The following SEMA4B variants were observed in gnomAD, a reference collection of about 807,000 sequenced individuals.
SEMA4B encodes semaphorin 4B.
A neutral mutation model predicts 88.1 loss-of-function variants in SEMA4B; 55 were observed. That is an observed-to-expected ratio of 0.62 (90% confidence interval 0.50 to 0.78). The LOEUF (loss-of-function observed/expected upper bound fraction) is 0.78, where lower values mean the gene tolerates loss of function less well. Among genes scored for constraint, SEMA4B ranks in the 30% least tolerant of loss-of-function variants. The pLI, the probability that SEMA4B is intolerant of heterozygous loss-of-function variation, is 0.00. For missense variants in SEMA4B, 1,062 were observed against 1,111.9 expected (o/e 0.96, Z 0.64); for synonymous variants, 525 against 473.6 (o/e 1.11, Z -1.41).
upstream of SEMA4B, among the ~76,000 whole-genome samples, chr15:90,198,159 C>G (rs570593852): frequency 6.6e-6 from 1 of 151,864 alleles, no homozygotes; most frequent in Non-Finnish European, 1.5e-5. Context: ...CCTCGTGATC[C>G]GCCTGCCTCG....
In SEMA4B at chr15:90,227,926, C is replaced by T. The variant is rs1301909317; in HGVS notation, c.1797C>T (p.Val599=). The change falls in exon 14 of 14, where the codon GTC becomes GTT. Residue 599 remains valine (V), a synonymous_variant. Transcript: ENST00000411539. ...CAGGGGAGAAGCCATGTGAGCAAGT[C>T]CAGTTCCAGCCCAACACAGTGAACA... ...VPTGEKPCEQ[V]QFQPNTVNTL... 1.2e-6 allele frequency: 2 copies of T among 1,612,820 alleles called. No homozygotes were observed. The highest frequency in any genetic ancestry group is 1.7e-6 in the Non-Finnish European group (2 of 1,179,868).
At chr15:90,184,992 G>A (rs1345378585) in exon 1 of SEMA4B, 6 of 985,708 alleles carry the variant, frequency 6.1e-6, no homozygotes, top group Non-Finnish European at 7.2e-6. Flanking sequence ...GCGCCGGGCC[G>A]GCCTGGCAAG....
chr15:90,210,045 C>G (rs1193112151), intron 1 of SEMA4B, among the ~76,000 whole-genome samples: 1 of 152,162 alleles, frequency 6.6e-6, no homozygotes. Flanking sequence ...GTGATGGTGG[C>G]CTAGGTGAGA....
At chr15:90,184,946 A>G, upstream of SEMA4B, 1 of 985,950 alleles carries the variant, frequency 1.0e-6, no homozygotes, top group South Asian at 4.7e-5. Flanking sequence ...CGCCGGACTG[A>G]GGCTGTGCGC....
At position 90,201,415 on chromosome 15, in the gene SEMA4B, GC is replaced by G. The variant is rs1960714668; in HGVS notation, c.-162del. On this transcript the variant is annotated 5_prime_UTR_variant, in exon 1 of 14. Transcript: ENST00000411539. ...GGTGCCCCGCGGAGGGGCTGAGTTTGCCAGGGCCCACTTGACCCTGTTTCCC... is the reference window on the plus strand; with the variant it reads ...GGTGCCCCGCGGAGGGGCTGAGTTTGCAGGGCCCACTTGACCCTGTTTCCC... 7.8e-7 allele frequency: 1 copy of G among 1,286,054 alleles called. No individual in the cohort carries two copies. The highest frequency in any genetic ancestry group is 1.6e-5 in the African/African-American group (1 of 64,068). 79.7% of individuals were successfully genotyped at this position (1,286,054 alleles called of 1,614,324 possible). A position where few individuals can be genotyped will look rare whatever the true frequency, so the allele number is the denominator to read the frequency against.
At chr15:90,188,293 C>T (rs1362841037) in intron 1 of SEMA4B, among the ~76,000 whole-genome samples, 2 of 151,978 alleles carry the variant, frequency 1.3e-5, no homozygotes, top group Non-Finnish European at 2.9e-5. Flanking sequence ...CACTGCATTC[C>T]AGCTTGGGTG....
rs1567060430 is a variant in SEMA4B, at chr15:90,223,738, G to A, written c.1041G>A (p.Gln347=). The stretch of plus-strand genomic sequence containing the variant: ...TTTTCTATGGGGTCTTCACTTCCCA[G>A]TGGTAGGGCCTCCAGACCTCGCTGG... ...DTLFYGVFTS[Q]WHRGTTEGSA... is the part of the protein sequence containing the mutation. Residue 347 remains glutamine (Q), a splice_region_variant and synonymous_variant, in exon 8 of 14, where the codon CAG becomes CAA. Coordinates refer to ENST00000411539, the MANE Select transcript of SEMA4B (RefSeq NM_198925.4). 2 of 1,605,552 alleles carry A rather than the reference G, an allele frequency of 1.2e-6. No homozygotes were observed. The highest frequency in any genetic ancestry group is 8.5e-7 in the Non-Finnish European group (1 of 1,173,474).
intron 1 of SEMA4B, among the ~76,000 whole-genome samples, chr15:90,211,290 G>T (rs151160608): frequency 2.6e-5 from 4 of 152,318 alleles, no homozygotes; most frequent in African/African-American, 7.2e-5. Context: ...TCTGGCAGAG[G>T]CTCTTCGTCT....
chr15:90,188,676 CT>C (rs1006476439), intron 1 of SEMA4B, among the ~76,000 whole-genome samples: 1 of 151,612 alleles, frequency 6.6e-6, no homozygotes, highest in African/African-American at 2.4e-5. Context: ...TACGTATTGT[CT>C]TTTTTTGTTT....
At chr15:90,201,218 G>GCGCCCCGAGCTGC (rs1385444581), upstream of SEMA4B, 9 of 727,012 alleles carry the variant, frequency 1.2e-5, no homozygotes, top group African/African-American at 1.1e-4. Flanking sequence ...CCCTGCGGCA[G>GCGCCCCGAGCTGC]CGCCCCGAGC....
intron 5 of SEMA4B, 86 bp downstream of exon 5, chr15:90,221,179 C>T: frequency 1.7e-6 from 2 of 1,153,086 alleles, no homozygotes; most frequent in Non-Finnish European, 2.6e-6. Flanking sequence ...AGGCTGAGTC[C>T]ATGCCATGCT....
At chr15:90,208,593 G>A (rs1344661661) in intron 1 of SEMA4B, among the ~76,000 whole-genome samples, 1 of 152,292 alleles carries the variant, frequency 6.6e-6, no homozygotes, top group South Asian at 2.1e-4. Context: ...TCTCAGGACT[G>A]AGAATTTGTT....
In SEMA4B at chr15:90,220,888, G is replaced by C. The variant is rs958947806; in HGVS notation, c.484-94G>C. The C allele has an allele frequency of 1.6e-5, 12 of 771,192 alleles. No homozygotes were observed. In the African/African-American group the frequency reaches 2.1e-4, roughly 13 times the overall value. The allele number at this position is 771,192 out of a possible 1,614,324, so 47.8% of individuals were successfully genotyped here. A position where few individuals can be genotyped will look rare whatever the true frequency, so the allele number is the denominator to read the frequency against. On this transcript the variant is annotated intron_variant, in intron 4 of 13. Coordinates refer to ENST00000411539, the MANE Select transcript of SEMA4B (RefSeq NM_198925.4). ...GTCCCACACACCTCACCTGCCTGCA[G>C]AGTTGCCTTCTCCTGCACGCCTCTC...
At chr15:90,199,681 C>T (rs145766844), upstream of SEMA4B, among the ~76,000 whole-genome samples, 3,494 of 152,014 alleles carry the variant, frequency 0.023, 113 homozygotes, top group African/African-American at 0.075. Context: ...AAAAAATTAG[C>T]GGGGTGTGGT....
Position 90,228,419 on chromosome 15 carries a change from G to C in SEMA4B, c.2290G>C (p.Val764Leu), listed in dbSNP as rs1385708232. Reference sequence around the variant, plus strand: ...CGTGCACCCCAAGACCTGCCCTGTGGTGCTGCCCCCTGAGACCCGCCCACT... The same window carrying C: ...CGTGCACCCCAAGACCTGCCCTGTGCTGCTGCCCCCTGAGACCCGCCCACT... ...ASVHPKTCPVVLPPETRPLNG... is the reference protein window; with the variant it reads ...ASVHPKTCPVLLPPETRPLNG... Residue 764 changes from valine (V) to leucine (L), a missense_variant, in exon 14 of 14, where the codon GTG becomes CTG. By Grantham distance (32) the Val-to-Leu change is conservative. Coordinates refer to ENST00000411539, the MANE Select transcript of SEMA4B (RefSeq NM_198925.4). The C allele has an allele frequency of 1.9e-6, 3 of 1,605,786 alleles. No individual in the cohort carries two copies. The highest frequency in any genetic ancestry group is 2.6e-6 in the Non-Finnish European group (3 of 1,175,930).
At chr15:90,218,729 T>C (rs1251531962) in intron 3 of SEMA4B, among the ~76,000 whole-genome samples, 1 of 152,114 alleles carries the variant, frequency 6.6e-6, no homozygotes, top group East Asian at 1.9e-4. Flanking sequence ...AGCAGGAGAA[T>C]CGCTTGAACC....
chr15:90,209,384 C>T (rs112611798), intron 1 of SEMA4B, among the ~76,000 whole-genome samples: 2,395 of 120,428 alleles, frequency 0.02, 62 homozygotes, highest in African/African-American at 0.063. Context: ...AACCCCATCT[C>T]TACTAAAAAA....
rs753012668 is a variant in SEMA4B, at chr15:90,223,843, G to C, written c.1049G>C (p.Arg350Thr). The C allele has an allele frequency of 6.1e-5, 98 of 1,613,806 alleles. No individual in the cohort carries two copies. The highest frequency in any genetic ancestry group is 7.3e-5 in the Non-Finnish European group (86 of 1,179,860). The change falls in exon 9 of 14, where the codon AGG becomes ACG. Residue 350 changes from arginine (R) to threonine (T), a missense_variant. Coordinates refer to ENST00000411539, the MANE Select transcript of SEMA4B (RefSeq NM_198925.4). ...FYGVFTSQWH[R>T]GTTEGSAVCV... ...TCTGGTTATTTCCTCTGCAGGCACA[G>C]GGGAACTACAGAAGGCTCTGCCGTC...
intron 1 of SEMA4B, among the ~76,000 whole-genome samples, chr15:90,214,785 T>C (rs1961450090): frequency 6.6e-6 from 1 of 152,198 alleles, no homozygotes; most frequent in Non-Finnish European, 1.5e-5. Flanking sequence ...CTCTACCAGC[T>C]GTGCGAAGAC....
Sources: allele counts gnomAD v4.1 joint callset (sites outside exome capture counted in the v4.1 genomes callset), GRCh38; gene constraint gnomAD v4.1.1; transcripts MANE v1.5; gene names NCBI Gene and HGNC (gene_info 2026-07-23, HGNC 2026-07-21).